Variants in ZNF536 observed in about 807,000 individuals in gnomAD.
ZNF536 encodes zinc finger protein 536.
A neutral mutation model predicts 84.5 loss-of-function variants in ZNF536; 13 were observed. The ratio of observed to expected loss-of-function variants is 0.15; its 90% CI spans 0.10 to 0.24. The LOEUF is 0.24. Ranked by LOEUF, ZNF536 falls within the 10% of genes least tolerant of loss-of-function variation. The pLI, the probability that ZNF536 is intolerant of heterozygous loss-of-function variation, is 1.00. For missense variants in ZNF536, 1,536 were observed against 1,747.5 expected, an observed-to-expected ratio of 0.88 and a Z score of 2.16; for synonymous variants, 811 against 742.5, an observed-to-expected ratio of 1.09 and a Z score of -1.50.
chr19:30,483,722 AAGG>A (rs2054182114), intron 2 of ZNF536, among the ~76,000 whole-genome samples: 2 of 152,206 alleles, frequency 1.3e-5, no homozygotes, highest in South Asian at 4.1e-4. Context: ...AGATCTCTGG[AAGG>A]ATCTACCTAA....
At chr19:30,544,983 C>T (rs1346629193) in intron 3 of ZNF536, among the ~76,000 whole-genome samples, 1 of 152,226 alleles carries the variant, frequency 6.6e-6, no homozygotes, top group Non-Finnish European at 1.5e-5. Flanking sequence ...AGACTGTCTT[C>T]CCTGCTAAAC....
intron 1 of ZNF536, among the ~76,000 whole-genome samples, chr19:30,439,243 G>C (rs551164211): frequency 6.6e-6 from 1 of 152,076 alleles, no homozygotes; most frequent in African/African-American, 2.4e-5. Flanking sequence ...ATTCAGCCTC[G>C]AAGGGACCTT....
intron 1 of ZNF536, among the ~76,000 whole-genome samples, chr19:30,563,438 T>C (rs1384888924): frequency 2.0e-5 from 3 of 152,236 alleles, no homozygotes; most frequent in Non-Finnish European, 2.9e-5. Context: ...TTAAAAATCA[T>C]CTCTCGTGGC....
intron 2 of ZNF536, among the ~76,000 whole-genome samples, chr19:30,477,425 TC>T (rs2053895150): frequency 6.6e-6 from 1 of 152,220 alleles, no homozygotes; most frequent in Admixed American, 6.5e-5. Context: ...TGAATGAATT[TC>T]TGCGGAGTCG....
At chr19:30,318,845 A>C (rs1427443478) in intron 2 of ZNF536, among the ~76,000 whole-genome samples, 2 of 152,154 alleles carry the variant, frequency 1.3e-5, no homozygotes, top group Non-Finnish European at 2.9e-5. Context: ...TTCTTCACCC[A>C]GGGCCACTCC....
Position 30,549,222 on chromosome 19 carries a change from C to A in ZNF536, c.3603C>A (p.Ser1201Arg), listed in dbSNP as rs1399686785. 1.2e-6 allele frequency: 2 copies of A among 1,613,988 alleles called. No homozygotes were observed. The highest frequency in any genetic ancestry group is 1.7e-6 in the Non-Finnish European group (2 of 1,180,058). The stretch of plus-strand genomic sequence containing the variant: ...CACTGTCTGCCCTCAGCAAAGACAG[C>A]AGCAGCGATGGCGGGGACAGCCTGC... ...TKPLSALSKDSSSDGGDSLQP... is the reference protein window; with the variant it reads ...TKPLSALSKDRSSDGGDSLQP... The change falls in exon 4 of 5, where the codon AGC becomes AGA. Residue 1201 changes from serine (S) to arginine (R), a missense_variant. By Grantham distance (110) the Ser-to-Arg change is moderately radical. Coordinates refer to ENST00000355537, the MANE Select transcript of ZNF536 (RefSeq NM_014717.3).
At chr19:30,685,730 AG>A in intron 1 of ZNF536, among the ~76,000 whole-genome samples, 1 of 152,264 alleles carries the variant, frequency 6.6e-6, no homozygotes, top group Non-Finnish European at 1.5e-5. Context: ...AGAGGCAACC[AG>A]GGGGATGGGG....
chr19:30,268,554 T>C (rs1327078669), intron 1 of ZNF536, among the ~76,000 whole-genome samples: 2 of 152,150 alleles, frequency 1.3e-5, no homozygotes, highest in South Asian at 4.1e-4. Flanking sequence ...AGCTGCCTCC[T>C]GAGAACTGCC....
intron 1 of ZNF536, among the ~76,000 whole-genome samples, chr19:30,277,462 GT>G (rs1159749396): frequency 6.6e-6 from 1 of 152,168 alleles, no homozygotes; most frequent in African/African-American, 2.4e-5. Flanking sequence ...GATCGAACAG[GT>G]ATCAAATAGC....
intron 2 of ZNF536, among the ~76,000 whole-genome samples, chr19:30,346,539 T>G (rs1242755087): frequency 6.6e-6 from 1 of 152,194 alleles, no homozygotes; most frequent in Non-Finnish European, 1.5e-5. Context: ...CCCCTCTCTG[T>G]GTCCATGTGT....
intron 2 of ZNF536, among the ~76,000 whole-genome samples, chr19:30,505,814 C>T (rs981706442): frequency 2.6e-5 from 4 of 151,846 alleles, no homozygotes; most frequent in African/African-American, 4.8e-5. Context: ...TACAGACATG[C>T]GCCAACGCAC....
Position 30,594,298 on chromosome 19 carries a change from C to T in ZNF536, c.169+44784C>T, listed in dbSNP as rs972962078. On this transcript the variant is annotated intron_variant, in intron 1 of 1. Coordinates refer to the ZNF536 transcript ENST00000592773. ...GGTTCTCCTTGTGCACCTCTGTGTACTTTCTGAGGGCATGTGCAGAAAGGC... is the reference window on the plus strand; with the variant it reads ...GGTTCTCCTTGTGCACCTCTGTGTATTTTCTGAGGGCATGTGCAGAAAGGC... Among the ~76,000 whole-genome samples the T allele has an allele frequency of 2.0e-5, 3 of 152,210 alleles. No individual in the cohort carries two copies. In the South Asian group the frequency reaches 6.2e-4, roughly 32 times the overall value.
intron 2 of ZNF536, among the ~76,000 whole-genome samples, chr19:30,296,986 A>G (rs1452769832): frequency 6.6e-6 from 1 of 152,060 alleles, no homozygotes; most frequent in Non-Finnish European, 1.5e-5. Context: ...CCAGAAGAAA[A>G]GCTTCCTATG....
At chr19:30,418,480 G>A (rs2050823638) in intron 1 of ZNF536, among the ~76,000 whole-genome samples, 1 of 152,036 alleles carries the variant, frequency 6.6e-6, no homozygotes, top group African/African-American at 2.4e-5. Flanking sequence ...AGACTTCTAG[G>A]GTTTTTTGTA....
intron 1 of ZNF536, among the ~76,000 whole-genome samples, chr19:30,595,192 C>G (rs1176702934): frequency 6.6e-6 from 1 of 152,200 alleles, no homozygotes; most frequent in African/African-American, 2.4e-5. Flanking sequence ...TGGAGACCTT[C>G]GTTTCCCCAT....
At position 30,587,423 on chromosome 19, in the gene ZNF536, C is replaced by T. The variant is rs576094167; in HGVS notation, c.169+37909C>T. Among the ~76,000 whole-genome samples the T allele has an allele frequency of 8.5e-5, 13 of 152,316 alleles. No homozygotes were observed. The East Asian group carries it at 1.9e-3, about 23-fold the overall frequency. ...CAGTTGGTATTACTCTCCCATTCTC[C>T]GAGCCACTTAATTATGGCAAGCATG... is the stretch of plus-strand genomic sequence containing the variant. On this transcript the variant is annotated intron_variant, in intron 1 of 1. Transcript: ENST00000592773.
chr19:30,437,072 A>T (rs1415827941), intron 1 of ZNF536, among the ~76,000 whole-genome samples: 2 of 152,214 alleles, frequency 1.3e-5, no homozygotes, highest in Non-Finnish European at 2.9e-5. Context: ...TTTTCCAATG[A>T]TTCTTTTTCG....
At chr19:30,475,269 A>G (rs1046943894) in intron 2 of ZNF536, among the ~76,000 whole-genome samples, 2 of 151,972 alleles carry the variant, frequency 1.3e-5, no homozygotes, top group African/African-American at 2.4e-5. Flanking sequence ...TTTAGTAGAG[A>G]CAGGGTTTGA....
chr19:30,585,091 G>A (rs1199525265), intron 1 of ZNF536, among the ~76,000 whole-genome samples: 3 of 151,622 alleles, frequency 2.0e-5, no homozygotes, highest in African/African-American at 7.3e-5. Flanking sequence ...CTGCACTCCA[G>A]CCTGGGCAAC....
Sources: gnomAD v4.1 joint callset for allele counts (sites outside exome capture counted in the v4.1 genomes callset) on GRCh38, gnomAD v4.1.1 for gene constraint, MANE v1.5 for transcripts, NCBI Gene and HGNC (gene_info 2026-07-23, HGNC 2026-07-21) for gene names.